Variants in IL1RAPL2 observed in about 807,000 individuals in gnomAD.
IL1RAPL2 encodes the protein interleukin 1 receptor accessory protein like 2, also known as X-linked interleukin-1 receptor accessory protein-like 2.
Under a neutral mutation model 44.1 loss-of-function variants are expected in IL1RAPL2, and 3 were observed. The observed-to-expected ratio is 0.07, with a 90% confidence interval of 0.03 to 0.18. IL1RAPL2 has a LOEUF of 0.18. IL1RAPL2 is among the 10% of genes least tolerant of loss of function. IL1RAPL2 has a pLI of 1.00. For missense variants in IL1RAPL2, 391 were observed against 496.4 expected (o/e 0.79, Z 2.02); for synonymous variants, 181 against 178.8 (o/e 1.01, Z -0.10).
intron 5 of IL1RAPL2, among the ~76,000 whole-genome samples, chrX:105,391,148 A>G (rs2035518705): frequency 8.9e-6 from 1 of 111,856 alleles, no homozygotes; most frequent in Middle Eastern, 4.7e-3. Flanking sequence ...CAGTGTAACT[A>G]GGCTTCACTT....
chrX:105,052,103 T>C (rs1422182216), intron 2 of IL1RAPL2, among the ~76,000 whole-genome samples: 1 of 112,585 alleles, frequency 8.9e-6, no homozygotes, highest in Non-Finnish European at 1.9e-5. Context: ...TGCATTCAAG[T>C]GCAGAGGTAC....
At chrX:104,651,017 A>G (rs895588540) in intron 1 of IL1RAPL2, among the ~76,000 whole-genome samples, 1 of 112,190 alleles carries the variant, frequency 8.9e-6, no homozygotes, top group Non-Finnish European at 1.9e-5. Context: ...ATGACATATA[A>G]CAGTTTAGCA....
intron 6 of IL1RAPL2, among the ~76,000 whole-genome samples, chrX:105,521,634 C>G (rs2036559470): frequency 8.9e-6 from 1 of 111,818 alleles, no homozygotes; most frequent in African/African-American, 3.3e-5. Context: ...GGGGCTTCCC[C>G]CTTTGTTTGG....
chrX:104,634,361 CA>C (rs1569285874), intron 1 of IL1RAPL2, among the ~76,000 whole-genome samples: 1 of 111,295 alleles, frequency 9.0e-6, no homozygotes, highest in Non-Finnish European at 1.9e-5. Context: ...CTATTAGGTC[CA>C]CTTGGTGCAG....
intron 6 of IL1RAPL2, among the ~76,000 whole-genome samples, chrX:105,594,104 A>G (rs1487696417): frequency 1.8e-5 from 2 of 111,640 alleles, no homozygotes; most frequent in Non-Finnish European, 3.8e-5. Flanking sequence ...GATTTTTACT[A>G]TTGATAGTTC....
At chrX:105,305,694 C>T (rs1217792991) in intron 5 of IL1RAPL2, among the ~76,000 whole-genome samples, 1 of 112,063 alleles carries the variant, frequency 8.9e-6, no homozygotes, top group East Asian at 2.8e-4. Flanking sequence ...GTAAACTACT[C>T]TTGCTGGATA....
At chrX:105,320,898 T>G (rs2034892518) in intron 5 of IL1RAPL2, among the ~76,000 whole-genome samples, 1 of 111,702 alleles carries the variant, frequency 9.0e-6, no homozygotes, top group African/African-American at 3.3e-5. Context: ...GCACCAGTGT[T>G]TCATCCCTAG....
At chrX:105,187,289 A>T (rs782143841) in intron 2 of IL1RAPL2, among the ~76,000 whole-genome samples, 2 of 112,249 alleles carry the variant, frequency 1.8e-5, no homozygotes, top group African/African-American at 3.2e-5. Flanking sequence ...TAAACAATAG[A>T]GATTTTATTG....
chrX:105,605,894 A>G (rs1449851869), intron 6 of IL1RAPL2, among the ~76,000 whole-genome samples: 1 of 111,916 alleles, frequency 8.9e-6, no homozygotes, highest in Non-Finnish European at 1.9e-5. Context: ...CTGTATATTC[A>G]TATGCAGAAA....
intron 2 of IL1RAPL2, among the ~76,000 whole-genome samples, chrX:105,193,052 G>A (rs1556138214): frequency 1.8e-5 from 2 of 112,014 alleles, no homozygotes; most frequent in Non-Finnish European, 3.8e-5. Context: ...TGACTCTGGA[G>A]CAGATACATT....
At chrX:105,738,885 G>A (rs907606881) in intron 7 of IL1RAPL2, among the ~76,000 whole-genome samples, 1 of 110,599 alleles carries the variant, frequency 9.0e-6, no homozygotes, top group Admixed American at 9.7e-5. Flanking sequence ...CTTCTCCTGT[G>A]AGGGCAGAAA....
In IL1RAPL2 at chrX:104,775,822, C is replaced by T. The variant is rs556744038; in HGVS notation, c.82+116827C>T. The stretch of plus-strand genomic sequence containing the variant: ...ACAGCTCATATAGTTAGTTAAGCCA[C>T]GTTTTCCAAGACATGCCATAAGTAA... On this transcript the variant is annotated intron_variant, in intron 2 of 10. Coordinates refer to ENST00000372582, the MANE Select transcript of IL1RAPL2 (RefSeq NM_017416.2). 3.4e-4 allele frequency among the ~76,000 whole-genome samples: 37 copies of T among 109,147 alleles called. No homozygotes were observed. In the Middle Eastern group the frequency reaches 0.019, roughly 57 times the overall value. 94.8% of individuals were successfully genotyped at this position (109,147 alleles called of 115,157 possible).
intron 6 of IL1RAPL2, among the ~76,000 whole-genome samples, chrX:105,680,395 G>A (rs1356043255): frequency 3.6e-5 from 4 of 112,268 alleles, no homozygotes; most frequent in Non-Finnish European, 7.5e-5. Context: ...GAGAACCCTG[G>A]AAGCCAGATA....
rs758686191 is a variant in IL1RAPL2 at position 105,602,497 on chromosome X, G to A, written c.773-114870G>A. Reference sequence around the variant, plus strand: ...AAAAGTCCAGAAGATGAAGACATGGGGAAAGGCATAAAAAACCCATTCAAT... The same window carrying A: ...AAAAGTCCAGAAGATGAAGACATGGAGAAAGGCATAAAAAACCCATTCAAT... On this transcript the variant is annotated intron_variant, in intron 6 of 10. Coordinates refer to ENST00000372582, the MANE Select transcript of IL1RAPL2 (RefSeq NM_017416.2). 1.7e-3 allele frequency among the ~76,000 whole-genome samples: 185 copies of A among 110,891 alleles called. 1 individual carries two copies. The highest frequency in any genetic ancestry group is 5.8e-3 in the African/African-American group (177 of 30,561).
chrX:105,707,447 T>C (rs1269986721), intron 6 of IL1RAPL2, among the ~76,000 whole-genome samples: 5 of 112,216 alleles, frequency 4.5e-5, no homozygotes, highest in African/African-American at 1.3e-4. Context: ...AGCACAACCA[T>C]GTGCCTTGCA....
intron 5 of IL1RAPL2, among the ~76,000 whole-genome samples, chrX:105,433,264 A>G (rs2035860179): frequency 9.0e-6 from 1 of 110,942 alleles, no homozygotes; most frequent in African/African-American, 3.3e-5. Context: ...AAATCATCAA[A>G]TATTTAGCTA....
intron 4 of IL1RAPL2, among the ~76,000 whole-genome samples, chrX:105,251,153 T>TTTCAA (rs1220527669): frequency 9.0e-6 from 1 of 111,100 alleles, no homozygotes; most frequent in Admixed American, 9.6e-5. Flanking sequence ...CTACCACTTA[T>TTTCAA]TTCAATAAGT....
chrX:105,690,551 T>C (rs1273162281), intron 6 of IL1RAPL2, among the ~76,000 whole-genome samples: 2 of 111,792 alleles, frequency 1.8e-5, no homozygotes, highest in Non-Finnish European at 3.8e-5. Flanking sequence ...TAAGCCAAAA[T>C]ATTAAGCTAG....
chrX:105,557,252 G>A (rs1719088513), intron 6 of IL1RAPL2, among the ~76,000 whole-genome samples: 1 of 111,096 alleles, frequency 9.0e-6, no homozygotes, highest in Non-Finnish European at 1.9e-5. Flanking sequence ...CATATTTCTC[G>A]AAAGATTAGA....
Sources: allele counts gnomAD v4.1 joint callset (sites outside exome capture counted in the v4.1 genomes callset), GRCh38; gene constraint gnomAD v4.1.1; transcripts MANE v1.5; gene names NCBI Gene and HGNC (gene_info 2026-07-23, HGNC 2026-07-21).